The following DOK5 variants were observed in gnomAD, a reference collection of about 807,000 sequenced individuals.
The protein encoded by DOK5 is downstream of tyrosine kinase 5.
Under a neutral mutation model 43.3 loss-of-function variants are expected in DOK5, and 27 were observed. The observed-to-expected ratio is 0.62, with a 90% CI of 0.46 to 0.86. The LOEUF (loss-of-function observed/expected upper bound fraction) is 0.86. Among genes scored for constraint, DOK5 ranks in the 40% least tolerant of loss-of-function variants. DOK5 has a pLI of 0.00. For missense variants in DOK5, 373 were observed against 392.9 expected, an observed-to-expected ratio of 0.95 and a Z score of 0.43; for synonymous variants, 146 against 140.1, an observed-to-expected ratio of 1.04 and a Z score of -0.30.
chr20:54,620,308 G>A lies in DOK5; in HGVS notation c.735+9785G>A, dbSNP rs375945588. ...GGCTGGAGTGCAGCGGTGCAATCTC[G>A]GCTCACTGCAACCCCCGCCTCCCGG... On this transcript the variant is annotated intron_variant, in intron 6 of 7. Coordinates refer to ENST00000262593, the MANE Select transcript of DOK5 (RefSeq NM_018431.5). 7.2e-5 allele frequency among the ~76,000 whole-genome samples: 11 copies of A among 152,140 alleles called. No individual in the cohort carries two copies. In the East Asian group the frequency reaches 2.1e-3, roughly 29 times the overall value.
intron 1 of DOK5, among the ~76,000 whole-genome samples, chr20:54,545,838 C>T (rs955077991): frequency 2.0e-5 from 3 of 152,178 alleles, no homozygotes; most frequent in African/African-American, 7.2e-5. Flanking sequence ...AGTGAGTGAA[C>T]TTAAAATCAC....
intron 1 of DOK5, among the ~76,000 whole-genome samples, chr20:54,531,010 T>C (rs184424492): frequency 1.3e-5 from 2 of 152,320 alleles, no homozygotes; most frequent in East Asian, 3.9e-4. Context: ...CTATGTGTTA[T>C]GAAGAGCTTG....
chr20:54,599,529 A>G (rs1403689616), intron 5 of DOK5, among the ~76,000 whole-genome samples: 3 of 152,214 alleles, frequency 2.0e-5, no homozygotes, highest in Admixed American at 1.3e-4. Context: ...AGTGAGAGGT[A>G]TGAAGACAAA....
chr20:54,648,246 G>T (rs1184929705), intron 7 of DOK5, among the ~76,000 whole-genome samples: 2 of 152,050 alleles, frequency 1.3e-5, no homozygotes, highest in Non-Finnish European at 2.9e-5. Context: ...TAGGCCAAGC[G>T]CTGTGCTAGA....
intron 2 of DOK5, among the ~76,000 whole-genome samples, chr20:54,570,177 A>G (rs1985239343): frequency 6.6e-6 from 1 of 152,208 alleles, no homozygotes. Flanking sequence ...GGAAATTTCT[A>G]ATAGAAATGC....
intron 2 of DOK5, among the ~76,000 whole-genome samples, chr20:54,582,224 T>C (rs1600716259): frequency 1.3e-5 from 2 of 151,928 alleles, no homozygotes; most frequent in Non-Finnish European, 1.5e-5. Flanking sequence ...GATCATGATA[T>C]ATTATCCATT....
intron 6 of DOK5, among the ~76,000 whole-genome samples, chr20:54,632,723 A>G (rs1338485984): frequency 8.5e-5 from 13 of 152,236 alleles, no homozygotes; most frequent in Admixed American, 8.5e-4. Flanking sequence ...CAGGACAGTA[A>G]TTCTCAAAGC....
At chr20:54,481,110 A>G (rs977304898) in intron 1 of DOK5, among the ~76,000 whole-genome samples, 2 of 144,932 alleles carry the variant, frequency 1.4e-5, no homozygotes, top group South Asian at 2.1e-4. Flanking sequence ...TCTATCATCT[A>G]TCTATCTATC....
chr20:54,510,296 A>C (rs1982971031), intron 1 of DOK5, among the ~76,000 whole-genome samples: 1 of 152,214 alleles, frequency 6.6e-6, no homozygotes, highest in African/African-American at 2.4e-5. Flanking sequence ...AGTAATTAAG[A>C]GTCACACTTG....
At chr20:54,482,777 G>A (rs1375762791) in intron 1 of DOK5, among the ~76,000 whole-genome samples, 11 of 152,308 alleles carry the variant, frequency 7.2e-5, no homozygotes, top group African/African-American at 1.9e-4. Context: ...GATTACAGGC[G>A]TGAGCCACCG....
intron 1 of DOK5, among the ~76,000 whole-genome samples, chr20:54,537,472 A>G (rs1983995906): frequency 6.6e-6 from 1 of 152,198 alleles, no homozygotes; most frequent in Non-Finnish European, 1.5e-5. Flanking sequence ...AAGCATGAGG[A>G]AAAAAATTGA....
chr20:54,507,142 G>C (rs1037048095), intron 1 of DOK5, among the ~76,000 whole-genome samples: 1 of 152,116 alleles, frequency 6.6e-6, no homozygotes, highest in African/African-American at 2.4e-5. Flanking sequence ...ACAGGAGTTT[G>C]GAAAGTACTT....
intron 2 of DOK5, among the ~76,000 whole-genome samples, chr20:54,576,666 C>T (rs1357288237): frequency 3.3e-5 from 5 of 152,098 alleles, no homozygotes; most frequent in South Asian, 2.1e-4. Context: ...CCTGGCATGC[C>T]GATTCCTATG....
intron 1 of DOK5, among the ~76,000 whole-genome samples, chr20:54,548,229 TTTTATTTATTTA>T (rs10694715): frequency 4.7e-5 from 7 of 149,326 alleles, no homozygotes; most frequent in Admixed American, 1.3e-4. Flanking sequence ...ATTACCTATC[TTTTATTTATTTA>T]TTTATTTATT....
At chr20:54,570,132 T>C (rs1206315348) in intron 2 of DOK5, among the ~76,000 whole-genome samples, 1 of 152,204 alleles carries the variant, frequency 6.6e-6, no homozygotes, top group Non-Finnish European at 1.5e-5. Context: ...TATGAAAAGG[T>C]TAAAAGTTTT....
At chr20:54,644,997 C>CTTTTTT (rs869031533) in intron 7 of DOK5, among the ~76,000 whole-genome samples, 2 of 82,414 alleles carry the variant, frequency 2.4e-5, no homozygotes, top group African/African-American at 4.6e-5. Context: ...TAAAAAAACT[C>CTTTTTT]TTTTTTTTTT....
chr20:54,643,408 C>T, intron 6 of DOK5, 50 bp from the exon 7 acceptor site: 2 of 1,603,628 alleles, frequency 1.2e-6, no homozygotes, highest in East Asian at 2.2e-5. Context: ...AGTCAGGCCA[C>T]TTTCGGCCCC....
At chr20:54,493,607 A>G (rs959725206) in intron 1 of DOK5, among the ~76,000 whole-genome samples, 1 of 152,200 alleles carries the variant, frequency 6.6e-6, no homozygotes, top group Non-Finnish European at 1.5e-5. Context: ...ATAGCCACGT[A>G]CATAGTCATC....
intron 2 of DOK5, among the ~76,000 whole-genome samples, chr20:54,568,767 A>G (rs1985178196): frequency 2.0e-5 from 3 of 151,932 alleles, no homozygotes; most frequent in African/African-American, 7.3e-5. Flanking sequence ...CGTCTCTGCT[A>G]AAAATACAAA....
Sources: gnomAD v4.1 joint callset for allele counts (sites outside exome capture counted in the v4.1 genomes callset) on GRCh38, gnomAD v4.1.1 for gene constraint, MANE v1.5 for transcripts, NCBI Gene and HGNC (gene_info 2026-07-23, HGNC 2026-07-21) for gene names.